GADD45B: variants seen among roughly 807,000 people sequenced by gnomAD.
GADD45B encodes growth arrest and DNA damage inducible beta.
A neutral mutation model predicts 15.2 loss-of-function variants in GADD45B; 8 were observed. The ratio of observed to expected loss-of-function variants is 0.53; its 90% CI spans 0.31 to 0.95. The LOEUF is 0.95. GADD45B is among the 40% of genes least tolerant of loss of function. The pLI, the probability that GADD45B is intolerant of heterozygous loss-of-function variation, is 0.05. For synonymous variants in GADD45B, 100 were observed against 89.8 expected (o/e 1.11, Z -0.64); for missense variants, 162 against 216.6 (o/e 0.75, Z 1.58).
In GADD45B at chr19:2,477,674, C is replaced by A; in HGVS notation, c.*73C>A. 2 of 642,800 alleles carry A rather than the reference C, an allele frequency of 3.1e-6. No individual in the cohort carries two copies. Among genetic ancestry groups the A allele is most frequent in the Non-Finnish European group, 5.3e-6 (2 of 374,442 alleles). The allele number at this position is 642,800 out of a possible 1,614,324, so 39.8% of individuals were successfully genotyped here. On this transcript the variant is annotated 3_prime_UTR_variant, in exon 4 of 4. Transcript: ENST00000215631. This position sits in a 1 kb window ranked among gnomAD's most constrained non-coding sequence, Gnocchi z 4.2. ...AATACAATAAATATTTGAACCCCCTCCCCCCCAGCACAACCCCCCCAAAAC... is the reference window on the plus strand; with the variant it reads ...AATACAATAAATATTTGAACCCCCTACCCCCCAGCACAACCCCCCCAAAAC...
rs769939606 is a variant in GADD45B, at chr19:2,477,348, C to T, written c.369+97C>T. The T allele has an allele frequency of 4.8e-6, 5 of 1,045,100 alleles. No individual in the cohort carries two copies. The East Asian group carries it at 1.0e-4, about 22-fold the overall frequency. 64.7% of individuals were successfully genotyped at this position (1,045,100 alleles called of 1,614,324 possible). A position where few individuals can be genotyped will look rare whatever the true frequency, so the allele number is the denominator to read the frequency against. On this transcript the variant is annotated intron_variant, in intron 3 of 3. Transcript: ENST00000215631. The surrounding 1 kb of genome is among the most constrained non-coding windows in gnomAD (Gnocchi z 4.2). ...GACTGGTCCTGCACAGCTCAGCGCTCAGCCACGTTTGGCATGTCCCGTGGG... is the reference window on the plus strand; with the variant it reads ...GACTGGTCCTGCACAGCTCAGCGCTTAGCCACGTTTGGCATGTCCCGTGGG...
At chr19:2,476,742 C>G (rs191275929) in intron 2 of GADD45B, 112 bp downstream of exon 2, 4 of 684,356 alleles carry the variant, frequency 5.8e-6, no homozygotes, top group Admixed American at 5.9e-5. Context: ...CCCAAGTGCC[C>G]CCCGCTGTGG....
Position 2,476,176 on chromosome 19 carries a change from A to T in GADD45B, c.-183A>T. 1.5e-6 allele frequency: 1 copy of T among 657,212 alleles called. No individual in the cohort carries two copies. The highest frequency in any genetic ancestry group is 2.7e-6 in the Non-Finnish European group (1 of 372,758). The allele number at this position is 657,212 out of a possible 1,614,324, so 40.7% of individuals were successfully genotyped here. A position where few individuals can be genotyped will look rare whatever the true frequency, so the allele number is the denominator to read the frequency against. The stretch of plus-strand genomic sequence containing the variant: ...GTTGGTTTCCGCAACTTCCTGGATT[A>T]TCCTCGCCAAGGACTTTGCAATATA... On this transcript the variant is annotated 5_prime_UTR_variant, in exon 1 of 4. Transcript: ENST00000215631.
Position 2,476,321 on chromosome 19 carries a change from G to A in GADD45B, c.-38G>A. 6.2e-7 allele frequency: 1 copy of A among 1,609,208 alleles called. No individual in the cohort carries two copies. Among genetic ancestry groups the A allele is most frequent in the Non-Finnish European group, 8.5e-7 (1 of 1,175,894 alleles). On this transcript the variant is annotated 5_prime_UTR_variant, in exon 1 of 4. Coordinates refer to ENST00000215631, the MANE Select transcript of GADD45B (RefSeq NM_015675.4). ...ATTTTGCAATTTCTCCCTGGGGACT[G>A]CCGTGGAGCCGCATCCACTGTGGAT...
rs1339894635 is a variant in GADD45B, at chr19:2,477,824, ATGG to A, written c.*224_*226del. The A allele has an allele frequency of 2.6e-6, 1 of 388,688 alleles. No individual in the cohort carries two copies. Among genetic ancestry groups the A allele is most frequent in the Non-Finnish European group, 4.8e-6 (1 of 206,516 alleles). 24.1% of individuals were successfully genotyped at this position (388,688 alleles called of 1,614,324 possible). ...CCAGGAGCTGGCGGCCGCCGATCCGATGGAGAAGGGGGGACCCAGGCCAGCAGG... is the reference window on the plus strand; with the variant it reads ...CCAGGAGCTGGCGGCCGCCGATCCGAAGAAGGGGGGACCCAGGCCAGCAGG... On this transcript the variant is annotated 3_prime_UTR_variant, in exon 4 of 4. Transcript: ENST00000215631. This position sits in a 1 kb window ranked among gnomAD's most constrained non-coding sequence, Gnocchi z 4.2.
In GADD45B at chr19:2,476,246, T is replaced by G; in HGVS notation, c.-113T>G. On this transcript the variant is annotated 5_prime_UTR_variant, in exon 1 of 4. Transcript: ENST00000215631. ...AGGATTTCGCTGCTTCCCGAAGGTC[T>G]TGGACGAGCGCTCTAGCTCTGTGGG... The G allele has an allele frequency of 1.0e-6, 1 of 987,622 alleles. No homozygotes were observed. Among genetic ancestry groups the G allele is most frequent in the Non-Finnish European group, 1.6e-6 (1 of 614,666 alleles). 61.2% of individuals were successfully genotyped at this position (987,622 alleles called of 1,614,324 possible).
chr19:2,477,519 G>A lies in GADD45B; in HGVS notation c.401G>A (p.Gly134Asp). 6.2e-7 allele frequency: 1 copy of A among 1,613,740 alleles called. No homozygotes were observed. Among genetic ancestry groups the A allele is most frequent in the Non-Finnish European group, 8.5e-7 (1 of 1,179,658 alleles). Reference protein sequence around the residue: ...NPHTDAWKSHGLVEVASYCEE... With the variant: ...NPHTDAWKSHDLVEVASYCEE... Reference sequence around the variant, plus strand: ...CACACGGACGCCTGGAAGAGCCACGGCTTGGTGGAGGTGGCCAGCTACTGC... The same window carrying A: ...CACACGGACGCCTGGAAGAGCCACGACTTGGTGGAGGTGGCCAGCTACTGC... Residue 134 changes from glycine to aspartate, a missense_variant, in exon 4 of 4, where the codon GGC (glycine) becomes GAC (aspartate). By Grantham distance (94) the Gly-to-Asp change is moderately conservative (BLOSUM62 -1). Coordinates refer to ENST00000215631, the MANE Select transcript of GADD45B (RefSeq NM_015675.4). This position sits in a 1 kb window ranked among gnomAD's most constrained non-coding sequence, Gnocchi z 4.2.
At chr19:2,476,968 C>G (rs1207330957) in intron 2 of GADD45B, 61 bp from the exon 3 acceptor site, 3 of 1,124,506 alleles carry the variant, frequency 2.7e-6, no homozygotes, top group African/African-American at 1.5e-5. Context: ...GCAAACTCCC[C>G]CTGCACGGTG....
intron 1 of GADD45B, 49 bp from the exon 2 acceptor site, chr19:2,476,480 G>C: frequency 1.3e-6 from 2 of 1,596,510 alleles, no homozygotes; most frequent in Non-Finnish European, 1.7e-6. Context: ...GGAGCGGAAC[G>C]TAGCACCCGG....
chr19:2,476,501 G>C (rs1972316006), intron 1 of GADD45B, 28 bp from the exon 2 acceptor site: 1 of 1,602,782 alleles, frequency 6.2e-7, no homozygotes, highest in African/African-American at 1.3e-5. Context: ...TGGTCCGCCC[G>C]TCACTGATCC....
In GADD45B at chr19:2,477,792, C is replaced by G; in HGVS notation, c.*191C>G. 4.8e-6 allele frequency: 2 copies of G among 417,040 alleles called. No homozygotes were observed. The highest frequency in any genetic ancestry group is 6.6e-5 in the South Asian group (2 of 30,518). The allele number at this position is 417,040 out of a possible 1,614,324, so 25.8% of individuals were successfully genotyped here. ...GGGGAGTGAGCGGCCGCCCCCAGGGCGGAGATCCAGGAGCTGGCGGCCGCC... is the reference window on the plus strand; with the variant it reads ...GGGGAGTGAGCGGCCGCCCCCAGGGGGGAGATCCAGGAGCTGGCGGCCGCC... On this transcript the variant is annotated 3_prime_UTR_variant, in exon 4 of 4. Coordinates refer to ENST00000215631, the MANE Select transcript of GADD45B (RefSeq NM_015675.4). This position sits in a 1 kb window ranked among gnomAD's most constrained non-coding sequence, Gnocchi z 4.2.
Position 2,477,761 on chromosome 19 carries a change from G to A in GADD45B, c.*160G>A. 8.1e-6 allele frequency: 4 copies of A among 491,330 alleles called. No individual in the cohort carries two copies. Among genetic ancestry groups the A allele is most frequent in the Non-Finnish European group, 1.5e-5 (4 of 272,904 alleles). The allele number at this position is 491,330 out of a possible 1,614,324, so 30.4% of individuals were successfully genotyped here. A position where few individuals can be genotyped will look rare whatever the true frequency, so the allele number is the denominator to read the frequency against. On this transcript the variant is annotated 3_prime_UTR_variant, in exon 4 of 4. Transcript: ENST00000215631. The surrounding 1 kb of genome is among the most constrained non-coding windows in gnomAD (Gnocchi z 4.2). ...TGGAGACTGAAGAGGAAGAGGAGGA[G>A]GAGAAGGGGAGTGAGCGGCCGCCCC... is the stretch of plus-strand genomic sequence containing the variant.
chr19:2,476,405 AAGT>A lies in GADD45B; in HGVS notation c.44+6_44+8del. Reference sequence around the variant, plus strand: ...GCGTGCGACAACGCGGCGCAGAAGTAAGTAGCCGGGGCTGCCGCCGCCTGAGGT... The same window carrying A: ...GCGTGCGACAACGCGGCGCAGAAGTAAGCCGGGGCTGCCGCCGCCTGAGGT... On this transcript the variant is annotated splice_donor_5th_base_variant and intron_variant, in intron 1 of 3. Coordinates refer to ENST00000215631, the MANE Select transcript of GADD45B (RefSeq NM_015675.4). 1 of 1,613,244 alleles carries A rather than the reference AAGT, an allele frequency of 6.2e-7. No individual in the cohort carries two copies. Among genetic ancestry groups the A allele is most frequent in the Non-Finnish European group, 8.5e-7 (1 of 1,179,816 alleles).
Position 2,477,320 on chromosome 19 carries a change from G to C in GADD45B, c.369+69G>C, listed in dbSNP as rs768810952. ...GGCCGGTGTTTGTCAACAAAGTCGGGCTGACTGGTCCTGCACAGCTCAGCG... is the reference window on the plus strand; with the variant it reads ...GGCCGGTGTTTGTCAACAAAGTCGGCCTGACTGGTCCTGCACAGCTCAGCG... On this transcript the variant is annotated intron_variant, in intron 3 of 3. Coordinates refer to ENST00000215631, the MANE Select transcript of GADD45B (RefSeq NM_015675.4). This position sits in a 1 kb window ranked among gnomAD's most constrained non-coding sequence, Gnocchi z 4.2. 1 of 1,160,972 alleles carries C rather than the reference G, an allele frequency of 8.6e-7. No homozygotes were observed. Among genetic ancestry groups the C allele is most frequent in the Admixed American group, 2.3e-5 (1 of 43,294 alleles). 71.9% of individuals were successfully genotyped at this position (1,160,972 alleles called of 1,614,324 possible). A position where few individuals can be genotyped will look rare whatever the true frequency, so the allele number is the denominator to read the frequency against.
chr19:2,477,777 C>A lies in GADD45B; in HGVS notation c.*176C>A. 2.3e-6 allele frequency: 1 copy of A among 439,748 alleles called. No individual in the cohort carries two copies. Among genetic ancestry groups the A allele is most frequent in the African/African-American group, 2.0e-5 (1 of 49,964 alleles). 27.2% of individuals were successfully genotyped at this position (439,748 alleles called of 1,614,324 possible). On this transcript the variant is annotated 3_prime_UTR_variant, in exon 4 of 4. Transcript: ENST00000215631. This position sits in a 1 kb window ranked among gnomAD's most constrained non-coding sequence, Gnocchi z 4.2. ...AGAGGAGGAGGAGAAGGGGAGTGAGCGGCCGCCCCCAGGGCGGAGATCCAG... is the reference window on the plus strand; with the variant it reads ...AGAGGAGGAGGAGAAGGGGAGTGAGAGGCCGCCCCCAGGGCGGAGATCCAG...
intron 2 of GADD45B, 114 bp from the exon 3 acceptor site, chr19:2,476,915 G>A (rs1972324527): frequency 1.5e-6 from 1 of 680,416 alleles, no homozygotes; most frequent in Admixed American, 2.5e-5. Flanking sequence ...GCAATCCCCT[G>A]CACCCTTGCA....
At position 2,476,317 on chromosome 19, in the gene GADD45B, G is replaced by T. The variant is rs544175927; in HGVS notation, c.-42G>T. On this transcript the variant is annotated 5_prime_UTR_variant, in exon 1 of 4. Coordinates refer to ENST00000215631, the MANE Select transcript of GADD45B (RefSeq NM_015675.4). Reference sequence around the variant, plus strand: ...TCGGATTTTGCAATTTCTCCCTGGGGACTGCCGTGGAGCCGCATCCACTGT... The same window carrying T: ...TCGGATTTTGCAATTTCTCCCTGGGTACTGCCGTGGAGCCGCATCCACTGT... 1.9e-6 allele frequency: 3 copies of T among 1,606,502 alleles called. No homozygotes were observed. The highest frequency in any genetic ancestry group is 2.6e-6 in the Non-Finnish European group (3 of 1,173,492).
At position 2,476,538 on chromosome 19, in the gene GADD45B, G is replaced by A. The variant is rs1421064469; in HGVS notation, c.54G>A (p.Thr18=). The change falls in exon 2 of 4, where the codon ACG becomes ACA. Residue 18 remains threonine, a synonymous_variant. Coordinates refer to ENST00000215631, the MANE Select transcript of GADD45B (RefSeq NM_015675.4). ...ACDNAAQKMQ[T]VTAAVEELLV... ...TCTTTCCTGGTCTCAGGATGCAGAC[G>A]GTGACCGCCGCGGTGGAGGAGCTTT... 3 of 1,606,262 alleles carry A rather than the reference G, an allele frequency of 1.9e-6. No individual in the cohort carries two copies. The highest frequency in any genetic ancestry group is 2.6e-6 in the Non-Finnish European group (3 of 1,174,710).
chr19:2,476,836 C>T (rs543408242), intron 2 of GADD45B, 193 bp from the exon 3 acceptor site: 10 of 607,404 alleles, frequency 1.6e-5, no homozygotes, highest in Non-Finnish European at 2.9e-5. Flanking sequence ...CGCCGTGGGC[C>T]TGTCTCCCCC....
Sources: allele counts gnomAD v4.1 joint callset, GRCh38; gene constraint gnomAD v4.1.1; non-coding constraint Gnocchi (gnomAD v3.1); transcripts MANE v1.5; gene names NCBI Gene and HGNC (gene_info 2026-07-23, HGNC 2026-07-21).